Variants in REDIC1 observed in about 807,000 individuals in gnomAD.
REDIC1 encodes regulator of DNA class I crossover intermediates 1, also known as HEI10 Interacting Protein 1.
chr12:39,848,307 A>G, the REDIC1 span, among the ~76,000 whole-genome samples: 844 of 152,298 alleles, frequency 5.5e-3, 5 homozygotes, highest in Non-Finnish European at 7.9e-3. Context: ...TCCAGCATTT[A>G]TAAGGAACTT....
At chr12:39,821,445 G>A in the REDIC1 span, among the ~76,000 whole-genome samples, 1 of 152,056 alleles carries the variant, frequency 6.6e-6, no homozygotes, top group African/African-American at 2.4e-5. Context: ...CCTTCCACAG[G>A]AGAATCCAGG....
At chr12:39,843,009 C>T in the REDIC1 span, among the ~76,000 whole-genome samples, 1 of 151,922 alleles carries the variant, frequency 6.6e-6, no homozygotes, top group South Asian at 2.1e-4. Context: ...ATCTATTTGT[C>T]AGCTGATGGG....
chr12:39,664,410 C>A, the REDIC1 span, among the ~76,000 whole-genome samples: 4 of 151,960 alleles, frequency 2.6e-5, no homozygotes, highest in African/African-American at 7.3e-5. Context: ...TGAACTCATC[C>A]TTTTTTATGG....
the REDIC1 span, among the ~76,000 whole-genome samples, chr12:39,851,964 T>C: frequency 2.6e-5 from 4 of 152,246 alleles, no homozygotes; most frequent in Admixed American, 6.5e-5. Flanking sequence ...CAATGTCTTA[T>C]ATATCTTTTA....
At chr12:39,629,753 G>T in the REDIC1 span, among the ~76,000 whole-genome samples, 1 of 152,170 alleles carries the variant, frequency 6.6e-6, no homozygotes, top group Non-Finnish European at 1.5e-5. Flanking sequence ...TGAGGGCAAA[G>T]AGATTGATCT....
At chr12:39,694,719 G>A in the REDIC1 span, among the ~76,000 whole-genome samples, 4 of 147,458 alleles carry the variant, frequency 2.7e-5, no homozygotes, top group Non-Finnish European at 4.5e-5. Flanking sequence ...ACTAGGCCCA[G>A]AGACCGTGGA....
the REDIC1 span, among the ~76,000 whole-genome samples, chr12:39,699,664 C>T: frequency 2.0e-5 from 3 of 151,992 alleles, no homozygotes; most frequent in Non-Finnish European, 4.4e-5. Context: ...AAACAAAAAG[C>T]AGTAACCTCT....
the REDIC1 span, chr12:39,802,194 C>T: frequency 6.6e-6 from 1 of 152,216 alleles, no homozygotes; most frequent in Non-Finnish European, 1.5e-5. Context: ...TAGTGCTCTG[C>T]TTGTACTGTC....
At chr12:39,668,854 G>A in the REDIC1 span, among the ~76,000 whole-genome samples, 3 of 152,036 alleles carry the variant, frequency 2.0e-5, no homozygotes, top group African/African-American at 7.2e-5. Flanking sequence ...ATCGGCTACT[G>A]AGGCTTGTGC....
the REDIC1 span, among the ~76,000 whole-genome samples, chr12:39,797,804 G>A: frequency 6.0e-5 from 9 of 150,850 alleles, no homozygotes; most frequent in Middle Eastern, 6.8e-3. Flanking sequence ...AAAACCGGTC[G>A]TAATTCAACC....
the REDIC1 span, among the ~76,000 whole-genome samples, chr12:39,829,038 T>C: frequency 6.6e-6 from 1 of 152,156 alleles, no homozygotes; most frequent in South Asian, 2.1e-4. Flanking sequence ...AATACTTTAT[T>C]ACAGATTTCA....
At chr12:39,866,232 G>A in the REDIC1 span, among the ~76,000 whole-genome samples, 7 of 152,190 alleles carry the variant, frequency 4.6e-5, no homozygotes, top group Non-Finnish European at 1.0e-4. Context: ...GTACAACACG[G>A]TTATATAATA....
At chr12:39,805,274 T>C in the REDIC1 span, among the ~76,000 whole-genome samples, 2 of 152,230 alleles carry the variant, frequency 1.3e-5, no homozygotes. Context: ...TCTGGCCTCA[T>C]TTGAAAAGGG....
chr12:39,889,940 A>C, the REDIC1 span, among the ~76,000 whole-genome samples: 2 of 152,164 alleles, frequency 1.3e-5, no homozygotes, highest in Non-Finnish European at 2.9e-5. Flanking sequence ...TTGTATCTTC[A>C]TCAGCTTCTA....
At chr12:39,711,488 T>C in the REDIC1 span, among the ~76,000 whole-genome samples, 2 of 144,070 alleles carry the variant, frequency 1.4e-5, no homozygotes, top group South Asian at 2.1e-4. Context: ...TGTGTATATA[T>C]GTATATAAGT....
At chr12:39,891,294 T>C in the REDIC1 span, among the ~76,000 whole-genome samples, 1 of 151,746 alleles carries the variant, frequency 6.6e-6, no homozygotes. Flanking sequence ...TAACTGCTTC[T>C]TTACTTTCCT....
the REDIC1 span, among the ~76,000 whole-genome samples, chr12:39,856,682 T>C: frequency 2.6e-5 from 4 of 152,322 alleles, no homozygotes; most frequent in East Asian, 7.7e-4. Context: ...GCTTTGTTTT[T>C]AAATAAACCA....
chr12:39,893,434 G>T, the REDIC1 span, among the ~76,000 whole-genome samples: 77 of 152,232 alleles, frequency 5.1e-4, no homozygotes, highest in African/African-American at 1.7e-3. Flanking sequence ...CGACTGGCTG[G>T]GACTACAGGT....
At chr12:39,737,690 C>T in the REDIC1 span, among the ~76,000 whole-genome samples, 2 of 152,194 alleles carry the variant, frequency 1.3e-5, no homozygotes, top group African/African-American at 4.8e-5. Context: ...AGTATTTCAA[C>T]CAAAAGTCTG....
Sources: gnomAD v4.1 joint callset for allele counts (sites outside exome capture counted in the v4.1 genomes callset) on GRCh38, gnomAD v4.1.1 for gene constraint, MANE v1.5 for transcripts, NCBI Gene and HGNC (gene_info 2026-07-23, HGNC 2026-07-21) for gene names.